The following ZNF322 variants were observed in gnomAD, a reference collection of about 807,000 sequenced individuals.
ZNF322 encodes zinc finger protein 322.
Under a neutral mutation model 18.3 loss-of-function variants are expected in ZNF322, and 1 was observed. The observed-to-expected ratio is 0.05, with a 90% CI of 0.02 to 0.26. The LOEUF (loss-of-function observed/expected upper bound fraction) is 0.26. ZNF322 is among the 10% of genes least tolerant of loss of function. ZNF322 has a pLI of 1.00. For synonymous variants in ZNF322, 17 were observed against 130.7 expected (o/e 0.13, Z 5.93); for missense variants, 36 against 403.6 (o/e 0.09, Z 7.80).
chr6:26,650,184 A>G (rs1019513264), intron 2 of ZNF322, among the ~76,000 whole-genome samples: 12 of 152,126 alleles, frequency 7.9e-5, no homozygotes, highest in Non-Finnish European at 1.0e-4. Context: ...ATTCTCACAC[A>G]CACAAAATAT....
At chr6:26,640,831 A>AT (rs1765454842) in intron 3 of ZNF322, among the ~76,000 whole-genome samples, 1 of 152,178 alleles carries the variant, frequency 6.6e-6, no homozygotes, top group Non-Finnish European at 1.5e-5. Context: ...GTATATGTGC[A>AT]CTTTTCTGGG....
intron 2 of ZNF322, among the ~76,000 whole-genome samples, chr6:26,655,628 T>A (rs1765756118): frequency 6.6e-6 from 1 of 152,204 alleles, no homozygotes; most frequent in African/African-American, 2.4e-5. Context: ...TTTGAATGTG[T>A]CCTCCAAAGT....
intron 3 of ZNF322, 73 bp from the exon 4 acceptor site, chr6:26,638,801 C>T (rs1163278190): frequency 1.9e-6 from 1 of 526,134 alleles, no homozygotes; most frequent in Non-Finnish European, 3.1e-6. Flanking sequence ...AAAATCACTG[C>T]AGAAAAGACA....
intron 2 of ZNF322, among the ~76,000 whole-genome samples, chr6:26,645,076 A>G (rs1451732327): frequency 6.6e-6 from 1 of 152,158 alleles, no homozygotes; most frequent in Non-Finnish European, 1.5e-5. Flanking sequence ...TTGCACACCA[A>G]TTATTTAAAA....
intron 2 of ZNF322, among the ~76,000 whole-genome samples, chr6:26,657,052 T>C (rs571484425): frequency 6.6e-6 from 1 of 152,082 alleles, no homozygotes; most frequent in Non-Finnish European, 1.5e-5. Context: ...ATTGAGACCA[T>C]CCTGGCTAAC....
intron 1 of ZNF322, chr6:26,658,880 T>C (rs1765829605): frequency 6.6e-6 from 1 of 152,228 alleles, no homozygotes; most frequent in Non-Finnish European, 1.5e-5. Flanking sequence ...ATCTTTCTAT[T>C]ACTAACTGTA....
At position 26,636,551 on chromosome 6, in the gene ZNF322, T is replaced by C. The variant is rs1253169176; in HGVS notation, c.*794A>G. ...TCTTCTCATACATATTATATGTACA[T>C]AGATTCTCACCCACAATTAAATCTC... On this transcript the variant is annotated 3_prime_UTR_variant, in exon 4 of 4. Coordinates refer to ENST00000415922, the MANE Select transcript of ZNF322 (RefSeq NM_024639.5). The C allele has an allele frequency of 6.6e-5, 10 of 152,156 alleles. No homozygotes were observed. Among genetic ancestry groups the C allele is most frequent in the African/African-American group, 2.2e-4 (9 of 41,404 alleles). 9.4% of individuals were successfully genotyped at this position (152,156 alleles called of 1,614,324 possible).
chr6:26,649,694 TATATA>T (rs1335906857), intron 2 of ZNF322, among the ~76,000 whole-genome samples: 1,900 of 72,508 alleles, frequency 0.026, 334 homozygotes, highest in East Asian at 0.068. Context: ...TATATATATA[TATATA>T]TATTTTTTTT....
At chr6:26,641,351 T>C (rs372041808) in intron 3 of ZNF322, among the ~76,000 whole-genome samples, 48 of 152,142 alleles carry the variant, frequency 3.2e-4, no homozygotes, top group African/African-American at 1.0e-3. Flanking sequence ...AATGTAGTAT[T>C]GTGACCACCG....
At chr6:26,640,982 C>G (rs1479517132) in intron 3 of ZNF322, among the ~76,000 whole-genome samples, 6 of 152,110 alleles carry the variant, frequency 3.9e-5, no homozygotes, top group African/African-American at 1.4e-4. Context: ...GACCAGAACA[C>G]AAAGGAACAT....
In ZNF322 at chr6:26,659,421, GC is replaced by G; in HGVS notation, c.-335+19del. On this transcript the variant is annotated intron_variant, in intron 1 of 3. Transcript: ENST00000415922. ...CACCGCGCACCCATCCCACCCCTGG[GC>G]CCCGCAGGCCGCGCTTACCCTGGCA... 1 of 167,586 alleles carries G rather than the reference GC, an allele frequency of 6.0e-6. No homozygotes were observed. The highest frequency in any genetic ancestry group is 1.5e-5 in the Non-Finnish European group (1 of 68,926). The allele number at this position is 167,586 out of a possible 1,614,324, so 10.4% of individuals were successfully genotyped here.
intron 2 of ZNF322, among the ~76,000 whole-genome samples, chr6:26,656,973 G>A (rs1561927343): frequency 6.6e-6 from 1 of 152,136 alleles, no homozygotes; most frequent in Non-Finnish European, 1.5e-5. Flanking sequence ...ATAAGGCCGG[G>A]CGTGGTGGCT....
intron 2 of ZNF322, among the ~76,000 whole-genome samples, chr6:26,645,916 A>C (rs547246066): frequency 6.6e-6 from 1 of 152,142 alleles, no homozygotes; most frequent in African/African-American, 2.4e-5. Flanking sequence ...CTGTAATCCC[A>C]GCTACTTGGG....
At chr6:26,646,351 A>T (rs2451750) in intron 2 of ZNF322, among the ~76,000 whole-genome samples, 69,164 of 151,888 alleles carry the variant, frequency 0.46, 16,111 homozygotes, top group East Asian at 0.67. Flanking sequence ...CAGGCTAAAA[A>T]TAAGGAGGTG....
intron 2 of ZNF322, among the ~76,000 whole-genome samples, chr6:26,651,857 G>A (rs1329979342): frequency 6.6e-6 from 1 of 152,088 alleles, no homozygotes; most frequent in Non-Finnish European, 1.5e-5. Flanking sequence ...TTTTGGGATG[G>A]GTCTCGCTCT....
rs71544293 is a variant in ZNF322 at position 26,649,675 on chromosome 6, G to GTATATATA, written c.-245-5955_-245-5948dup. ...TGTGTGTGTGTGTGTGTGTGTGTGT[G>GTATATATA]TATATATATATATATATATATATAT... On this transcript the variant is annotated intron_variant, in intron 2 of 3. Coordinates refer to ENST00000415922, the MANE Select transcript of ZNF322 (RefSeq NM_024639.5). Among the ~76,000 whole-genome samples, 11 of 22,948 alleles carry GTATATATA rather than the reference G, an allele frequency of 4.8e-4. 1 individual carries two copies. The highest frequency in any genetic ancestry group is 5.5e-3 in the East Asian group (2 of 366). 15.1% of individuals were successfully genotyped at this position (22,948 alleles called of 152,430 possible).
chr6:26,649,702 T>TATATATATATATA (rs1491481825), intron 2 of ZNF322, among the ~76,000 whole-genome samples: 6 of 89,100 alleles, frequency 6.7e-5, no homozygotes, highest in Admixed American at 4.4e-4. Context: ...TATATATATA[T>TATATATATATATA]TTTTTTTTTT....
intron 2 of ZNF322, among the ~76,000 whole-genome samples, chr6:26,657,868 C>T (rs1765810258): frequency 2.0e-5 from 3 of 151,844 alleles, no homozygotes; most frequent in Admixed American, 2.0e-4. Flanking sequence ...TTCTCTTGCC[C>T]CATCCTAGGA....
At chr6:26,639,348 G>C (rs1765426100) in intron 3 of ZNF322, among the ~76,000 whole-genome samples, 1 of 152,098 alleles carries the variant, frequency 6.6e-6, no homozygotes, top group Non-Finnish European at 1.5e-5. Flanking sequence ...TGACAAAGGG[G>C]CTTAAGATTC....
Sources: gnomAD v4.1 joint callset for allele counts (sites outside exome capture counted in the v4.1 genomes callset) on GRCh38, gnomAD v4.1.1 for gene constraint, MANE v1.5 for transcripts, NCBI Gene and HGNC (gene_info 2026-07-23, HGNC 2026-07-21) for gene names.